MYH13: variants seen among roughly 807,000 people sequenced by gnomAD.
The protein encoded by MYH13 is myosin heavy chain 13, also known as myosin-13.
Under a neutral mutation model 232.1 loss-of-function variants are expected in MYH13, and 177 were observed. That is an observed-to-expected ratio of 0.76 (90% CI 0.67 to 0.86). The LOEUF is 0.86. MYH13 is among the 40% of genes least tolerant of loss of function. MYH13 has a pLI of 0.00. For synonymous variants in MYH13, 884 were observed against 923.5 expected (o/e 0.96, Z 0.78); for missense variants, 2,246 against 2,405.9 (o/e 0.93, Z 1.39).
chr17:10,371,469 T>C (rs1187830592), intron 1 of MYH13, among the ~76,000 whole-genome samples: 3 of 152,254 alleles, frequency 2.0e-5, no homozygotes, highest in African/African-American at 7.2e-5. Flanking sequence ...TTACAACATT[T>C]AATTAATACT....
rs746826498 is a variant in MYH13 at position 10,362,226 on chromosome 17, G to A, written c.397C>T (p.Pro133Ser). 4 of 1,613,662 alleles carry A rather than the reference G, an allele frequency of 2.5e-6. No individual in the cohort carries two copies. The highest frequency in any genetic ancestry group is 3.3e-5 in the Admixed American group (2 of 59,986). ...CVTVNPYKWL[P>S]VYKPEVVAAY... ...GCCACCACCTCGGGCTTGTACACCG[G>A]CAGCCACTTGTAGGGGTTGACGGTG... Residue 133 changes from proline (P) to serine (S), a missense_variant, in exon 5 of 41, where the codon CCG becomes TCG. Transcript: ENST00000252172.
chr17:10,319,449 C>T (rs990392810), intron 26 of MYH13, among the ~76,000 whole-genome samples: 2 of 149,594 alleles, frequency 1.3e-5, no homozygotes, highest in Non-Finnish European at 2.9e-5. Flanking sequence ...GTGGAGGTTG[C>T]AGTGAGCTGA....
chr17:10,330,012 A>C (rs1269405863), intron 21 of MYH13, among the ~76,000 whole-genome samples: 2 of 151,744 alleles, frequency 1.3e-5, no homozygotes, highest in Non-Finnish European at 2.9e-5. Flanking sequence ...AAAAAAAAAA[A>C]AGGAAAAAAG....
At chr17:10,342,713 AATT>A (rs2071627612) in intron 16 of MYH13, among the ~76,000 whole-genome samples, 1 of 152,222 alleles carries the variant, frequency 6.6e-6, no homozygotes, top group African/African-American at 2.4e-5. Context: ...TCCAGTATAT[AATT>A]CCATTCACAT....
intron 7 of MYH13, among the ~76,000 whole-genome samples, chr17:10,358,828 G>C (rs1004765388): frequency 2.6e-5 from 4 of 152,120 alleles, no homozygotes; most frequent in Non-Finnish European, 4.4e-5. Flanking sequence ...GGAATTCTGG[G>C]CCTGGGTTCT....
intron 1 of MYH13, among the ~76,000 whole-genome samples, chr17:10,372,661 T>C (rs1338821414): frequency 6.6e-6 from 1 of 152,208 alleles, no homozygotes; most frequent in African/African-American, 2.4e-5. Context: ...CCAAGTTAAT[T>C]TGCTAACTGA....
chr17:10,366,017 T>C (rs1244392454), intron 2 of MYH13, among the ~76,000 whole-genome samples: 1 of 152,100 alleles, frequency 6.6e-6, no homozygotes, highest in African/African-American at 2.4e-5. Flanking sequence ...TGTAATGTAT[T>C]GTCCCTGCTT....
In MYH13 at chr17:10,301,646, C is replaced by T; in HGVS notation, c.5725G>A (p.Glu1909Lys). The change falls in exon 40 of 41, where the codon GAG (glutamate) becomes AAG (lysine). Residue 1909 changes from glutamate (E) to lysine (K), a missense_variant. Transcript: ENST00000252172. ...GCGATGTCCGCCCTCTCCGCGGCCT[C>T]CTCTAGCTCATGCTGGACTCTCCGG... ...RCRRVQHELE[E>K]AAERADIAES... The T allele has an allele frequency of 6.2e-7, 1 of 1,614,204 alleles. No homozygotes were observed. Among genetic ancestry groups the T allele is most frequent in the Non-Finnish European group, 8.5e-7 (1 of 1,180,042 alleles).
Position 10,363,315 on chromosome 17 carries a change from C to CAAAAAA in MYH13, c.205-818_205-813dup, listed in dbSNP as rs11390504. On this transcript the variant is annotated intron_variant, in intron 3 of 40. Coordinates refer to ENST00000252172, the MANE Select transcript of MYH13 (RefSeq NM_003802.3). ...TGGGCGACACAGTGAGACTCCGTCT[C>CAAAAAA]AAAAAAAAAAAAAAAAAAAAATAGG... Among the ~76,000 whole-genome samples the CAAAAAA allele has an allele frequency of 2.0e-4, 18 of 91,720 alleles. 1 individual carries two copies. Among genetic ancestry groups the CAAAAAA allele is most frequent in the Middle Eastern group, 6.8e-3 (1 of 146 alleles). 60.2% of individuals were successfully genotyped at this position (91,720 alleles called of 152,430 possible).
chr17:10,325,917 C>T (rs1218090670), intron 22 of MYH13, among the ~76,000 whole-genome samples: 3 of 152,270 alleles, frequency 2.0e-5, no homozygotes, highest in Admixed American at 6.5e-5. Flanking sequence ...TCTCATGATC[C>T]GCCCGCCTCG....
Position 10,306,850 on chromosome 17 carries a change from GA to G in MYH13, c.5295+88del. 1 of 1,592,926 alleles carries G rather than the reference GA, an allele frequency of 6.3e-7. No homozygotes were observed. Among genetic ancestry groups the G allele is most frequent in the South Asian group, 1.1e-5 (1 of 88,808 alleles). On this transcript the variant is annotated intron_variant, in intron 36 of 40. Coordinates refer to ENST00000252172, the MANE Select transcript of MYH13 (RefSeq NM_003802.3). This position sits in a 1 kb window ranked among gnomAD's most constrained non-coding sequence, Gnocchi z 4.3. ...CACCACTAACCGATTGTTGTCATAA[GA>G]GATGAAACATACTTGCCACACCCTG... is the stretch of plus-strand genomic sequence containing the variant.
In MYH13 at chr17:10,313,197, G is replaced by T; in HGVS notation, c.4142C>A (p.Thr1381Lys). The T allele has an allele frequency of 6.2e-7, 1 of 1,614,136 alleles. No individual in the cohort carries two copies. The highest frequency in any genetic ancestry group is 1.3e-5 in the African/African-American group (1 of 75,028). ...EVAQWRTKYE[T>K]DAIQRTEELE... Reference sequence around the variant, plus strand: ...CTCCTCTGTGCGCTGAATGGCGTCCGTCTCGTATTTGGTCCTCCACTGGGC... The same window carrying T: ...CTCCTCTGTGCGCTGAATGGCGTCCTTCTCGTATTTGGTCCTCCACTGGGC... The change falls in exon 30 of 41, where the codon ACG becomes AAG. Residue 1381 changes from threonine (T) to lysine (K), a missense_variant. Thr to Lys is a moderately conservative substitution (Grantham distance 78). Transcript: ENST00000252172.
At chr17:10,362,649 C>T in intron 3 of MYH13, 146 bp from the exon 4 acceptor site, 2 of 1,171,650 alleles carry the variant, frequency 1.7e-6, no homozygotes, top group Non-Finnish European at 1.2e-6. Flanking sequence ...CATGCCCCAA[C>T]ATGATCCATA....
At position 10,308,719 on chromosome 17, in the gene MYH13, GTTGT is replaced by G. The variant is rs748710546; in HGVS notation, c.5169+511_5169+514del. ...ATAATTATTTTGTGTTTTTGTTGTT[GTTGT>G]TTGTTTGTTTATTTTTTTGGCAGGG... is the stretch of plus-strand genomic sequence containing the variant. On this transcript the variant is annotated intron_variant, in intron 35 of 40. Coordinates refer to ENST00000252172, the MANE Select transcript of MYH13 (RefSeq NM_003802.3). Among the ~76,000 whole-genome samples, 60 of 151,882 alleles carry G rather than the reference GTTGT, an allele frequency of 4.0e-4. 1 individual carries two copies. Among genetic ancestry groups the G allele is most frequent in the South Asian group, 1.9e-3 (9 of 4,808 alleles).
intron 22 of MYH13, among the ~76,000 whole-genome samples, chr17:10,326,775 C>A: frequency 6.7e-6 from 1 of 149,560 alleles, no homozygotes; most frequent in African/African-American, 2.5e-5. Flanking sequence ...CCGCGTCCAG[C>A]CTATACTGCC....
chr17:10,323,787 A>AAAGAAGAAGAAGAAG lies in MYH13; in HGVS notation c.2934+220_2934+234dup, dbSNP rs571033999. Among the ~76,000 whole-genome samples, 300 of 66,714 alleles carry AAAGAAGAAGAAGAAG rather than the reference A, an allele frequency of 4.5e-3. 1 individual carries two copies. The highest frequency in any genetic ancestry group is 9.8e-3 in the Middle Eastern group (1 of 102). 43.8% of individuals were successfully genotyped at this position (66,714 alleles called of 152,430 possible). On this transcript the variant is annotated intron_variant, in intron 23 of 40. Coordinates refer to ENST00000252172, the MANE Select transcript of MYH13 (RefSeq NM_003802.3). ...CACAAAAAAAAAAAAAAAAAAAAAA[A>AAAGAAGAAGAAGAAG]AAGAAGAAGAAGAAGAAGAAGAAGA...
At chr17:10,366,766 A>G (rs2071841386) in intron 2 of MYH13, among the ~76,000 whole-genome samples, 1 of 152,134 alleles carries the variant, frequency 6.6e-6, no homozygotes, top group African/African-American at 2.4e-5. Context: ...TCTCTCCCCC[A>G]TCTTAGCCTT....
intron 20 of MYH13, among the ~76,000 whole-genome samples, chr17:10,330,872 C>T (rs62058073): frequency 1.6e-4 from 25 of 151,958 alleles, no homozygotes; most frequent in Non-Finnish European, 3.2e-4. Flanking sequence ...CAAAAATTAT[C>T]CGGGCGTGGT....
In MYH13 at chr17:10,327,855, A is replaced by C; in HGVS notation, c.2691+11T>G. 4 of 1,603,870 alleles carry C rather than the reference A, an allele frequency of 2.5e-6. No individual in the cohort carries two copies. In the South Asian group the frequency reaches 3.4e-5, roughly 13 times the overall value. On this transcript the variant is annotated intron_variant, in intron 22 of 40. Transcript: ENST00000252172. ...GTCTGTGTTTTGCGTTCTCAAGTAG[A>C]AGGTACTTACAGACTGGACCTGCAA...
Sources: gnomAD v4.1 joint callset for allele counts (sites outside exome capture counted in the v4.1 genomes callset) on GRCh38, gnomAD v4.1.1 for gene constraint, Gnocchi (gnomAD v3.1) non-coding constraint, MANE v1.5 for transcripts, NCBI Gene and HGNC (gene_info 2026-07-23, HGNC 2026-07-21) for gene names.